Variants in DMD observed in about 807,000 individuals in gnomAD.
DMD encodes the protein mutant dystrophin.
A neutral mutation model predicts 330.1 loss-of-function variants in DMD; 63 were observed. The ratio of observed to expected loss-of-function variants is 0.19; its 90% CI spans 0.16 to 0.24. The LOEUF (loss-of-function observed/expected upper bound fraction) is 0.24. DMD is among the 10% of genes least tolerant of loss of function. DMD has a pLI of 1.00. For missense variants in DMD, 3,344 were observed against 2,684.1 expected (o/e 1.25, Z -5.43); for synonymous variants, 1,223 against 959.8 (o/e 1.27, Z -5.07).
intron 41 of DMD, among the ~76,000 whole-genome samples, chrX:32,338,233 T>G (rs2097724688): frequency 8.9e-6 from 1 of 111,736 alleles, no homozygotes; most frequent in Non-Finnish European, 1.9e-5. Context: ...TTACTGATGC[T>G]CTGAGTTTCA....
At chrX:31,341,107 A>G (rs7055118) in intron 61 of DMD, among the ~76,000 whole-genome samples, 1,125 of 112,178 alleles carry the variant, frequency 0.01, 12 homozygotes, top group African/African-American at 0.035. Flanking sequence ...TCTAACAGGC[A>G]TGCATTAAGT....
rs747867525 is a variant in DMD, at chrX:32,552,430, G to T, written c.1993-7096C>A. Among the ~76,000 whole-genome samples, 232 of 111,835 alleles carry T rather than the reference G, an allele frequency of 2.1e-3. 1 individual carries two copies. The highest frequency in any genetic ancestry group is 2.7e-3 in the Non-Finnish European group (144 of 53,135). ...CATATACAAAAATTAACCCGAGGTGGATTAAAGACTTAAATCTAAAACCAA... is the reference window on the plus strand; with the variant it reads ...CATATACAAAAATTAACCCGAGGTGTATTAAAGACTTAAATCTAAAACCAA... On this transcript the variant is annotated intron_variant, in intron 16 of 78. Transcript: ENST00000357033.
chrX:31,781,979 A>AT (rs58435897), intron 50 of DMD, among the ~76,000 whole-genome samples: 12 of 108,999 alleles, frequency 1.1e-4, no homozygotes, highest in Admixed American at 2.0e-4. Context: ...TGCCTATCCA[A>AT]TTTTTTTTTT....
intron 44 of DMD, among the ~76,000 whole-genome samples, chrX:32,058,566 T>TAA (rs34845512): frequency 3.3e-4 from 24 of 72,229 alleles, no homozygotes; most frequent in East Asian, 2.1e-3. Flanking sequence ...TAACCATTAT[T>TAA]AAAAAAAAAA....
intron 60 of DMD, among the ~76,000 whole-genome samples, chrX:31,351,154 A>G (rs1324413698): frequency 3.3e-5 from 3 of 91,986 alleles, no homozygotes; most frequent in South Asian, 5.7e-4. Flanking sequence ...ATAGACATAC[A>G]TATATACACA....
intron 62 of DMD, among the ~76,000 whole-genome samples, chrX:31,284,853 CACACACACA>C (rs1569517112): frequency 2.8e-5 from 3 of 107,881 alleles, no homozygotes; most frequent in Admixed American, 1.0e-4. Flanking sequence ...CACACACACA[CACACACACA>C]CCCACACCCA....
At chrX:32,363,436 G>A (rs760889420) in intron 36 of DMD, among the ~76,000 whole-genome samples, 1 of 111,684 alleles carries the variant, frequency 9.0e-6, no homozygotes, top group Admixed American at 9.5e-5. Flanking sequence ...ATTACATTGA[G>A]TGTCATAAGA....
At chrX:33,100,293 T>A (rs894204394) in intron 1 of DMD, among the ~76,000 whole-genome samples, 1 of 112,265 alleles carries the variant, frequency 8.9e-6, no homozygotes, top group Non-Finnish European at 1.9e-5. Context: ...AAGGAAAAAA[T>A]AAACTGTTTA....
intron 59 of DMD, among the ~76,000 whole-genome samples, chrX:31,466,379 G>A (rs1380650163): frequency 8.9e-6 from 1 of 111,972 alleles, no homozygotes; most frequent in Non-Finnish European, 1.9e-5. Context: ...TCAGTTTTCT[G>A]TAGATGGCTA....
intron 44 of DMD, among the ~76,000 whole-genome samples, chrX:32,140,869 G>C (rs5972500): frequency 0.45 from 49,027 of 109,791 alleles, 7,888 homozygotes; most frequent in East Asian, 0.78. Flanking sequence ...TATGGGAGTA[G>C]AATTCAAGAT....
chrX:32,665,092 T>A (rs895159106), intron 9 of DMD, among the ~76,000 whole-genome samples: 7 of 112,454 alleles, frequency 6.2e-5, no homozygotes, highest in Non-Finnish European at 1.1e-4. Flanking sequence ...TCTCACATTG[T>A]GGCTAGCATA....
At chrX:32,724,069 T>C (rs1390526796) in intron 7 of DMD, among the ~76,000 whole-genome samples, 2 of 111,832 alleles carry the variant, frequency 1.8e-5, no homozygotes, top group African/African-American at 6.5e-5. Context: ...GTATTTCAAA[T>C]GATGACAATT....
rs1557243077 is a variant in DMD at position 32,252,689 on chromosome X, T to TATTAATAAATATATATAA, written c.6290+34839_6290+34840insTTATATATATTTATTAAT. On this transcript the variant is annotated intron_variant, in intron 43 of 78. Coordinates refer to ENST00000357033, the MANE Select transcript of DMD (RefSeq NM_004006.3). Reference sequence around the variant, plus strand: ...ATATATATATATAAATATATAAATATATATATAAATATATATAAATATATA... The same window carrying TATTAATAAATATATATAA: ...ATATATATATATAAATATATAAATATATTAATAAATATATATAAATATATAAATATATATAAATATATA... Among the ~76,000 whole-genome samples, 8 of 38,780 alleles carry TATTAATAAATATATATAA rather than the reference T, an allele frequency of 2.1e-4. 1 individual carries two copies. The highest frequency in any genetic ancestry group is 8.4e-4 in the African/African-American group (7 of 8,289). The allele number at this position is 38,780 out of a possible 115,157, so 33.7% of individuals were successfully genotyped here.
intron 9 of DMD, among the ~76,000 whole-genome samples, chrX:32,678,498 C>G (rs61289507): frequency 0.045 from 4,889 of 108,720 alleles, 248 homozygotes; most frequent in African/African-American, 0.14. Flanking sequence ...GTTTGCGTGT[C>G]CGTGTGTGTG....
intron 41 of DMD, among the ~76,000 whole-genome samples, chrX:32,311,979 G>C (rs2148607920): frequency 9.0e-6 from 1 of 111,326 alleles, no homozygotes; most frequent in Non-Finnish European, 1.9e-5. Context: ...TATAACCCCT[G>C]CAGTAAAGAT....
chrX:32,643,677 G>A (rs921220556), intron 11 of DMD, among the ~76,000 whole-genome samples: 5 of 111,279 alleles, frequency 4.5e-5, no homozygotes, highest in African/African-American at 1.3e-4. Context: ...TTCCCAAAAC[G>A]TTTGAATAAT....
At chrX:31,990,725 C>A (rs1189633893) in intron 44 of DMD, among the ~76,000 whole-genome samples, 1 of 111,950 alleles carries the variant, frequency 8.9e-6, no homozygotes, top group African/African-American at 3.2e-5. Context: ...TAATAACTCA[C>A]GTAAGCAAGG....
intron 9 of DMD, among the ~76,000 whole-genome samples, chrX:32,649,453 T>C (rs1404394005): frequency 1.9e-5 from 2 of 105,582 alleles, no homozygotes; most frequent in Non-Finnish European, 3.8e-5. Flanking sequence ...CTCGGGAGGC[T>C]GAGGTAGGAG....
At chrX:32,479,486 T>C (rs557750211) in intron 21 of DMD, among the ~76,000 whole-genome samples, 3 of 110,237 alleles carry the variant, frequency 2.7e-5, no homozygotes, top group South Asian at 7.7e-4. Flanking sequence ...TCTGTTTCTA[T>C]AATTTGACTT....
Sources: allele counts gnomAD v4.1 joint callset (sites outside exome capture counted in the v4.1 genomes callset), GRCh38; gene constraint gnomAD v4.1.1; transcripts MANE v1.5; gene names NCBI Gene and HGNC (gene_info 2026-07-23, HGNC 2026-07-21).